LRRK2: variants seen among roughly 807,000 people sequenced by gnomAD.
The protein encoded by LRRK2 is leucine-rich repeat serine/threonine-protein kinase 2.
In LRRK2, 203 loss-of-function variants were observed where a neutral mutation model predicts 302.6. That is an observed-to-expected ratio of 0.67 (90% CI 0.60 to 0.75). LRRK2 has a LOEUF of 0.75. Among genes scored for constraint, LRRK2 ranks in the 30% least tolerant of loss-of-function variants. The pLI is 0.00. For synonymous variants in LRRK2, 1,066 were observed against 1,031.9 expected (o/e 1.03, Z -0.63); for missense variants, 2,830 against 2,951.0 (o/e 0.96, Z 0.95).
At chr12:40,267,179 A>G (rs1943054737) in intron 14 of LRRK2, among the ~76,000 whole-genome samples, 1 of 152,186 alleles carries the variant, frequency 6.6e-6, no homozygotes, top group Admixed American at 6.5e-5. Flanking sequence ...TCCCTACTGG[A>G]GATAGCTTTG....
chr12:40,290,029 A>G (rs1944081028), intron 20 of LRRK2, among the ~76,000 whole-genome samples: 1 of 151,968 alleles, frequency 6.6e-6, no homozygotes, highest in Non-Finnish European at 1.5e-5. Flanking sequence ...GGAAAAACAT[A>G]CAGTCTCTAA....
At chr12:40,309,367 C>A in intron 30 of LRRK2, 134 bp downstream of exon 30, 1 of 1,192,526 alleles carries the variant, frequency 8.4e-7, no homozygotes, top group Non-Finnish European at 1.1e-6. Flanking sequence ...AAAAGAAGCA[C>A]TAAAATTTTG....
chr12:40,226,315 T>C (rs1940881322), intron 2 of LRRK2, among the ~76,000 whole-genome samples: 1 of 152,226 alleles, frequency 6.6e-6, no homozygotes, highest in African/African-American at 2.4e-5. Context: ...AAGAATGATT[T>C]ACAGTCAAAA....
chr12:40,260,715 C>A (rs888514089), intron 13 of LRRK2, among the ~76,000 whole-genome samples: 1 of 152,044 alleles, frequency 6.6e-6, no homozygotes, highest in Non-Finnish European at 1.5e-5. Context: ...AGACTAGATA[C>A]AAGGAGATTG....
chr12:40,323,752 C>T (rs1242132372), intron 38 of LRRK2, among the ~76,000 whole-genome samples: 1 of 151,414 alleles, frequency 6.6e-6, no homozygotes, highest in Non-Finnish European at 1.5e-5. Context: ...TCATTAAAAG[C>T]CTTGAAATTA....
At chr12:40,344,511 A>G (rs540079758) in intron 41 of LRRK2, among the ~76,000 whole-genome samples, 1 of 152,314 alleles carries the variant, frequency 6.6e-6, no homozygotes, top group South Asian at 2.1e-4. Flanking sequence ...GTGTGGCCTT[A>G]GGAAAATACA....
At position 40,335,175 on chromosome 12, in the gene LRRK2, T is replaced by C; in HGVS notation, c.5948+18T>C. On this transcript the variant is annotated intron_variant, in intron 40 of 50. Coordinates refer to ENST00000298910, the MANE Select transcript of LRRK2 (RefSeq NM_198578.4). ...GGTTTGAGGTAAGTAGGTCATGTTGTTTTCTATTCAGTGCATGACAAGTGT... is the reference window on the plus strand; with the variant it reads ...GGTTTGAGGTAAGTAGGTCATGTTGCTTTCTATTCAGTGCATGACAAGTGT... 1 of 1,613,628 alleles carries C rather than the reference T, an allele frequency of 6.2e-7. No individual in the cohort carries two copies. The highest frequency in any genetic ancestry group is 1.7e-4 in the Middle Eastern group (1 of 6,056).
chr12:40,291,894 C>T (rs1944172535), intron 20 of LRRK2, among the ~76,000 whole-genome samples: 1 of 152,046 alleles, frequency 6.6e-6, no homozygotes, highest in Non-Finnish European at 1.5e-5. Flanking sequence ...GTTGTGCAAA[C>T]ATTAAGGACT....
intron 14 of LRRK2, among the ~76,000 whole-genome samples, chr12:40,266,512 G>C (rs897845075): frequency 6.6e-6 from 1 of 152,124 alleles, no homozygotes; most frequent in Non-Finnish European, 1.5e-5. Context: ...ACAGATGCTG[G>C]AGAGGATGTG....
chr12:40,239,610 T>G (rs1304485581), intron 5 of LRRK2, among the ~76,000 whole-genome samples: 1 of 152,076 alleles, frequency 6.6e-6, no homozygotes, highest in Admixed American at 6.6e-5. Flanking sequence ...GTAGAAAAAT[T>G]TCTGATTTTT....
chr12:40,294,797 C>A (rs1217560571), intron 21 of LRRK2, 48 bp from the exon 22 acceptor site: 3 of 1,082,860 alleles, frequency 2.8e-6, no homozygotes, highest in Non-Finnish European at 4.2e-6. Context: ...AAAATGTCCT[C>A]TTCTCCAATA....
In LRRK2 at chr12:40,293,432, T is replaced by G. The variant is rs192869251; in HGVS notation, c.2690-113T>G. 4.4e-5 allele frequency: 30 copies of G among 681,054 alleles called. No homozygotes were observed. The Admixed American group carries it at 6.9e-4, about 16-fold the overall frequency. 42.2% of individuals were successfully genotyped at this position (681,054 alleles called of 1,614,324 possible). ...TACAAAGGGAATGGACTGTGAAATT[T>G]CCATTAATAAAAATAGGTCTAATCT... On this transcript the variant is annotated intron_variant, in intron 20 of 50. Coordinates refer to ENST00000298910, the MANE Select transcript of LRRK2 (RefSeq NM_198578.4).
At chr12:40,292,674 G>A (rs1944205945) in intron 20 of LRRK2, among the ~76,000 whole-genome samples, 1 of 151,828 alleles carries the variant, frequency 6.6e-6, no homozygotes, top group Non-Finnish European at 1.5e-5. Flanking sequence ...AATATTATAA[G>A]GGTGGTATTT....
At chr12:40,344,891 A>G (rs1361544214) in intron 41 of LRRK2, among the ~76,000 whole-genome samples, 1 of 151,996 alleles carries the variant, frequency 6.6e-6, no homozygotes, top group African/African-American at 2.4e-5. Flanking sequence ...TTAATATATT[A>G]CTATGTATAC....
intron 20 of LRRK2, 100 bp downstream of exon 20, chr12:40,287,639 A>G: frequency 8.3e-7 from 1 of 1,203,610 alleles, no homozygotes; most frequent in Non-Finnish European, 1.2e-6. Flanking sequence ...ATCTGGAAAA[A>G]CTTGAGTAGA....
At chr12:40,335,333 G>T (rs1304786490) in intron 40 of LRRK2, among the ~76,000 whole-genome samples, 176 bp downstream of exon 40, 1 of 152,128 alleles carries the variant, frequency 6.6e-6, no homozygotes, top group Admixed American at 6.5e-5. Context: ...TAAGAGTATG[G>T]AAACCATGCA....
In LRRK2 at chr12:40,368,186, T is replaced by C. The variant is rs534717204; in HGVS notation, c.*421T>C. On this transcript the variant is annotated 3_prime_UTR_variant, in exon 51 of 51. Coordinates refer to ENST00000298910, the MANE Select transcript of LRRK2 (RefSeq NM_198578.4). ...AAATCTGCACGGTATAATGAAAATA[T>C]TAAGACAGTTTCCCATGTAATGTAT... 1 of 155,178 alleles carries C rather than the reference T, an allele frequency of 6.4e-6. No individual in the cohort carries two copies. The highest frequency in any genetic ancestry group is 1.4e-5 in the Non-Finnish European group (1 of 69,940). 9.6% of individuals were successfully genotyped at this position (155,178 alleles called of 1,614,324 possible).
chr12:40,295,636 C>G lies in LRRK2; in HGVS notation c.3088C>G (p.Leu1030Val). ...TGCACTCACGAGCTTTCCACAACAG[C>G]TATGTGAAGTAAATTTAATTTATCC... Reference protein sequence around the residue: ...QNALTSFPQQLCETLKSLTHL... With the variant: ...QNALTSFPQQVCETLKSLTHL... The change falls in exon 23 of 51, where the codon CTA (leucine) becomes GTA (valine). Residue 1030 changes from leucine (L) to valine (V), a missense_variant. Around this residue, in one of 3 missense-constraint regions of LRRK2, gnomAD observed 2,121 missense variants for 2,148.0 expected, o/e 0.99. Coordinates refer to ENST00000298910, the MANE Select transcript of LRRK2 (RefSeq NM_198578.4). 6.2e-7 allele frequency: 1 copy of G among 1,613,296 alleles called. No homozygotes were observed. The highest frequency in any genetic ancestry group is 8.5e-7 in the Non-Finnish European group (1 of 1,179,490).
Position 40,274,905 on chromosome 12 carries a change from A to G in LRRK2, c.1853A>G (p.Asn618Ser), listed in dbSNP as rs753540084. The change falls in exon 16 of 51, where the codon AAT becomes AGT. Residue 618 changes from asparagine to serine, a missense_variant. This residue lies in a region of LRRK2 where 2,121 missense variants were observed against 2,148.0 expected (regional missense o/e 0.99). Coordinates refer to ENST00000298910, the MANE Select transcript of LRRK2 (RefSeq NM_198578.4). ...ATAGGATACTTGATTACAAAGAAGA[A>G]TGTGTTCATAGGAACTGGACATCTG... ...SLIGYLITKK[N>S]VFIGTGHLLA... 27 of 1,613,198 alleles carry G rather than the reference A, an allele frequency of 1.7e-5. No individual in the cohort carries two copies. Among genetic ancestry groups the G allele is most frequent in the Non-Finnish European group, 2.2e-5 (26 of 1,179,206 alleles).
Sources: allele counts gnomAD v4.1 joint callset (sites outside exome capture counted in the v4.1 genomes callset), GRCh38; gene constraint gnomAD v4.1.1; regional missense constraint gnomAD v4.1.1; transcripts MANE v1.5; gene names NCBI Gene and HGNC (gene_info 2026-07-23, HGNC 2026-07-21).